The following ANTXR2 variants were observed in gnomAD, a reference collection of about 807,000 sequenced individuals.
ANTXR2 encodes anthrax toxin receptor 2.
Under a neutral mutation model 73.7 loss-of-function variants are expected in ANTXR2, and 44 were observed. That is an observed-to-expected ratio of 0.60 (90% CI 0.47 to 0.77). The LOEUF (loss-of-function observed/expected upper bound fraction) is 0.77. ANTXR2 is among the 30% of genes least tolerant of loss of function. ANTXR2 has a pLI of 0.00. For synonymous variants in ANTXR2, 217 were observed against 205.9 expected, an observed-to-expected ratio of 1.05 and a Z score of -0.46; for missense variants, 604 against 592.5, an observed-to-expected ratio of 1.02 and a Z score of -0.20.
intron 12 of ANTXR2, among the ~76,000 whole-genome samples, chr4:79,998,245 T>C (rs11098983): frequency 0.48 from 72,962 of 151,792 alleles, 20,065 homozygotes; most frequent in East Asian, 0.92. Context: ...TTGTAAATGG[T>C]ATTTTAAATT....
chr4:79,952,271 TTC>T (rs1370256560), intron 16 of ANTXR2, among the ~76,000 whole-genome samples: 4 of 151,500 alleles, frequency 2.6e-5, no homozygotes, highest in African/African-American at 7.3e-5. Context: ...TGGTTTTATC[TTC>T]TGTTTTTATT....
At position 79,967,138 on chromosome 4, in the gene ANTXR2, G is replaced by A. The variant is rs1388735075; in HGVS notation, c.1428+10483C>T. On this transcript the variant is annotated intron_variant, in intron 16 of 16. Coordinates refer to ENST00000403729, the MANE Select transcript of ANTXR2 (RefSeq NM_058172.6). ...CAAGGGGTCAGGGAGTTCCCTTTCC[G>A]AGTCAAAGAAAGGGGTTACGGATGC... Among the ~76,000 whole-genome samples, 2 of 68,536 alleles carry A rather than the reference G, an allele frequency of 2.9e-5. 1 individual carries two copies. The highest frequency in any genetic ancestry group is 1.7e-3 in the South Asian group (2 of 1,160). 45.0% of individuals were successfully genotyped at this position (68,536 alleles called of 152,430 possible).
chr4:80,039,618 A>G (rs1242398307), intron 7 of ANTXR2, among the ~76,000 whole-genome samples: 1 of 152,142 alleles, frequency 6.6e-6, no homozygotes, highest in Admixed American at 6.6e-5. Context: ...GGCTATTATT[A>G]AAAAGTCGAA....
At chr4:79,981,832 C>A (rs1473402783) in intron 14 of ANTXR2, among the ~76,000 whole-genome samples, 1 of 152,034 alleles carries the variant, frequency 6.6e-6, no homozygotes, top group Non-Finnish European at 1.5e-5. Flanking sequence ...TAAAATGGAC[C>A]CAGATTTATT....
At chr4:80,017,245 C>A (rs543478111) in intron 11 of ANTXR2, among the ~76,000 whole-genome samples, 3 of 152,340 alleles carry the variant, frequency 2.0e-5, no homozygotes, top group African/African-American at 7.2e-5. Context: ...TTGAAACTTG[C>A]CAGAGACTTG....
At chr4:80,033,030 G>A (rs1397914775) in intron 9 of ANTXR2, among the ~76,000 whole-genome samples, 1 of 151,900 alleles carries the variant, frequency 6.6e-6, no homozygotes, top group Admixed American at 6.6e-5. Flanking sequence ...AAAGGAACAA[G>A]TAGGAGAGAA....
intron 5 of ANTXR2, 69 bp downstream of exon 5, chr4:80,055,291 A>G: frequency 6.4e-7 from 1 of 1,552,878 alleles, no homozygotes; most frequent in South Asian, 1.2e-5. Context: ...TCAAATATCA[A>G]GCTATACATT....
intron 16 of ANTXR2, among the ~76,000 whole-genome samples, chr4:79,957,653 T>C (rs975455285): frequency 1.3e-5 from 2 of 152,136 alleles, no homozygotes; most frequent in Non-Finnish European, 2.9e-5. Context: ...ACATGAGATA[T>C]AATCCGAAAA....
chr4:79,981,181 A>T (rs1729874957), intron 14 of ANTXR2, among the ~76,000 whole-genome samples: 1 of 152,156 alleles, frequency 6.6e-6, no homozygotes, highest in South Asian at 2.1e-4. Flanking sequence ...AATGTTTGAA[A>T]ATGTTTAATG....
At chr4:80,065,901 C>T (rs1734474048) in intron 3 of ANTXR2, among the ~76,000 whole-genome samples, 1 of 152,172 alleles carries the variant, frequency 6.6e-6, no homozygotes, top group South Asian at 2.1e-4. Flanking sequence ...ACACTCTGAT[C>T]TATTTGTGAT....
chr4:80,061,127 A>G (rs976101168), intron 3 of ANTXR2, among the ~76,000 whole-genome samples: 4 of 152,138 alleles, frequency 2.6e-5, no homozygotes, highest in African/African-American at 9.7e-5. Flanking sequence ...ATGGTTTCCA[A>G]GAAAACAATA....
intron 16 of ANTXR2, among the ~76,000 whole-genome samples, chr4:79,933,879 C>T (rs1036086113): frequency 6.6e-6 from 1 of 151,560 alleles, no homozygotes; most frequent in Non-Finnish European, 1.5e-5. Flanking sequence ...GGACTACAGG[C>T]GCCCAACACC....
intron 3 of ANTXR2, among the ~76,000 whole-genome samples, chr4:80,068,607 T>TA (rs1310064917): frequency 2.6e-5 from 4 of 151,698 alleles, no homozygotes; most frequent in Non-Finnish European, 2.9e-5. Context: ...CCGTCTCTAC[T>TA]AAAAAAATAC....
rs371603244 is a variant in ANTXR2 at position 79,999,263 on chromosome 4, G to T, written c.1041+9258C>A. 5.9e-4 allele frequency among the ~76,000 whole-genome samples: 90 copies of T among 151,992 alleles called. 1 individual carries two copies. The highest frequency in any genetic ancestry group is 2.0e-3 in the African/African-American group (84 of 41,462). ...GGTGAGAGGTGACTGAATCATGGAG[G>T]CGGTTTTCCCCATGCTGTTCTCATG... On this transcript the variant is annotated intron_variant, in intron 12 of 16. Transcript: ENST00000403729.
At position 79,909,644 on chromosome 4, in the gene ANTXR2, C is replaced by CA. The variant is rs1560840416; in HGVS notation, c.1429-2178_1429-2177insT. Among the ~76,000 whole-genome samples the CA allele has an allele frequency of 1.8e-3, 215 of 121,510 alleles. 1 individual carries two copies. Among genetic ancestry groups the CA allele is most frequent in the Middle Eastern group, 0.016 (4 of 250 alleles). The allele number at this position is 121,510 out of a possible 152,430, so 79.7% of individuals were successfully genotyped here. On this transcript the variant is annotated intron_variant, in intron 16 of 16. Transcript: ENST00000403729. The stretch of plus-strand genomic sequence containing the variant: ...TGCCAAATGTCTCTAGATATAAGCA[C>CA]CAAAAAAAAAAAAATAAAGAAAAAC...
intron 16 of ANTXR2, among the ~76,000 whole-genome samples, chr4:79,961,952 A>G (rs1436808523): frequency 1.3e-5 from 2 of 152,280 alleles, no homozygotes; most frequent in Admixed American, 6.5e-5. Context: ...ATAGCTAATA[A>G]TGCCTATATG....
intron 3 of ANTXR2, among the ~76,000 whole-genome samples, chr4:80,064,616 G>T (rs955454883): frequency 1.3e-5 from 2 of 152,180 alleles, no homozygotes; most frequent in Non-Finnish European, 2.9e-5. Flanking sequence ...GGGGAGGAGA[G>T]GTGGGGTTCC....
chr4:79,937,286 T>A (rs1435314617), intron 16 of ANTXR2, among the ~76,000 whole-genome samples: 2 of 152,264 alleles, frequency 1.3e-5, no homozygotes, highest in East Asian at 3.9e-4. Context: ...ATTAATTACA[T>A]ATAATCATTT....
At chr4:80,072,304 T>C (rs1469809514) in intron 1 of ANTXR2, 105 bp downstream of exon 1, 2 of 1,308,398 alleles carry the variant, frequency 1.5e-6, no homozygotes, top group Non-Finnish European at 2.0e-6. Flanking sequence ...CCTCCGCGGG[T>C]TTCCAACACC....
Sources: gnomAD v4.1 joint callset for allele counts (sites outside exome capture counted in the v4.1 genomes callset) on GRCh38, gnomAD v4.1.1 for gene constraint, MANE v1.5 for transcripts, NCBI Gene and HGNC (gene_info 2026-07-23, HGNC 2026-07-21) for gene names.